Variants in RBM19 observed in about 807,000 individuals in gnomAD.
RBM19 encodes probable RNA-binding protein 19.
A neutral mutation model predicts 116.8 loss-of-function variants in RBM19; 94 were observed. The observed-to-expected ratio is 0.80, with a 90% CI of 0.68 to 0.95. The LOEUF is 0.95. Ranked by LOEUF, RBM19 falls within the 40% of genes least tolerant of loss-of-function variation. The pLI is 0.00. For synonymous variants in RBM19, 475 were observed against 494.1 expected (o/e 0.96, Z 0.51); for missense variants, 1,161 against 1,220.7 (o/e 0.95, Z 0.73).
rs572204261 is a variant in RBM19 at position 113,864,165 on chromosome 12, G to A, written c.2559-5269C>T. On this transcript the variant is annotated intron_variant, in intron 21 of 23. Coordinates refer to ENST00000261741, the MANE Select transcript of RBM19 (RefSeq NM_016196.4). ...AGGCTTAGCTAGGCTCAAAGTAGGC[G>A]GTGTGCCCCACAGGTCTATGCTTTG... Among the ~76,000 whole-genome samples, 6 of 152,246 alleles carry A rather than the reference G, an allele frequency of 3.9e-5. No homozygotes were observed. The South Asian group carries it at 6.2e-4, about 16-fold the overall frequency.
chr12:113,888,578 G>T (rs1479551685), intron 21 of RBM19, among the ~76,000 whole-genome samples: 1 of 152,132 alleles, frequency 6.6e-6, no homozygotes, highest in African/African-American at 2.4e-5. Context: ...ATTCTTAAGA[G>T]AAACATGTGA....
At chr12:113,865,834 A>C (rs973606614) in intron 21 of RBM19, among the ~76,000 whole-genome samples, 4 of 152,022 alleles carry the variant, frequency 2.6e-5, no homozygotes, top group Non-Finnish European at 5.9e-5. Context: ...CAAGAAAAAA[A>C]AAAAGGGGGC....
At chr12:113,888,002 G>A (rs1880665251) in intron 21 of RBM19, among the ~76,000 whole-genome samples, 1 of 152,164 alleles carries the variant, frequency 6.6e-6, no homozygotes, top group Non-Finnish European at 1.5e-5. Context: ...GATTACAGGT[G>A]TGAGCCACTG....
Position 113,828,036 on chromosome 12 carries a change from G to A in RBM19, c.2786-4715C>T, listed in dbSNP as rs568416249. Among the ~76,000 whole-genome samples the A allele has an allele frequency of 6.6e-5, 10 of 150,438 alleles. No individual in the cohort carries two copies. In the South Asian group the frequency reaches 8.5e-4, roughly 13 times the overall value. On this transcript the variant is annotated intron_variant, in intron 23 of 23. Coordinates refer to ENST00000261741, the MANE Select transcript of RBM19 (RefSeq NM_016196.4). ...TGATGGAATCTGTTACTGAGAGCAC[G>A]AGGGTGGGCTGCTCCCCTCCTCTAT...
At chr12:113,962,193 C>T in intron 2 of RBM19, 39 bp downstream of exon 2, 2 of 1,605,832 alleles carry the variant, frequency 1.2e-6, no homozygotes, top group Non-Finnish European at 1.7e-6. Flanking sequence ...CAACGTCACA[C>T]TTGACAGGAA....
rs180867504 is a variant in RBM19, at chr12:113,923,232, G to T, written c.2305+1465C>A. On this transcript the variant is annotated intron_variant, in intron 18 of 23. Coordinates refer to ENST00000261741, the MANE Select transcript of RBM19 (RefSeq NM_016196.4). Reference sequence around the variant, plus strand: ...TTTTAAAAAAAGTGTGGGTGGATTTGAACATGGGATGGGCATATAGAAGGA... The same window carrying T: ...TTTTAAAAAAAGTGTGGGTGGATTTTAACATGGGATGGGCATATAGAAGGA... 5.6e-4 allele frequency among the ~76,000 whole-genome samples: 86 copies of T among 152,294 alleles called. 3 individuals are homozygous for T. In the East Asian group the frequency reaches 9.5e-3, roughly 17 times the overall value.
At chr12:113,918,323 A>T (rs1384322379) in intron 20 of RBM19, 69 bp downstream of exon 20, 1 of 1,496,894 alleles carries the variant, frequency 6.7e-7, no homozygotes, top group Non-Finnish European at 9.3e-7. Flanking sequence ...GACAGCCTCC[A>T]GGGTGGCCGG....
intron 22 of RBM19, among the ~76,000 whole-genome samples, chr12:113,854,116 C>T (rs1877689568): frequency 6.6e-6 from 1 of 151,994 alleles, no homozygotes; most frequent in African/African-American, 2.4e-5. Flanking sequence ...CTGCCAAGTG[C>T]CACTATAAGA....
intron 16 of RBM19, among the ~76,000 whole-genome samples, chr12:113,932,090 T>G (rs1050582164): frequency 5.9e-5 from 9 of 152,160 alleles, no homozygotes; most frequent in Admixed American, 5.9e-4. Flanking sequence ...GCCCTTATTG[T>G]GATCGAGAAG....
chr12:113,928,160 A>G (rs1425218163), intron 16 of RBM19, among the ~76,000 whole-genome samples: 2 of 152,068 alleles, frequency 1.3e-5, no homozygotes, highest in Non-Finnish European at 2.9e-5. Flanking sequence ...AATGTGGTGA[A>G]ACCTTGTCTC....
chr12:113,819,472 C>T (rs536007943), downstream of RBM19, among the ~76,000 whole-genome samples: 1 of 152,316 alleles, frequency 6.6e-6, no homozygotes, highest in East Asian at 1.9e-4. Context: ...TTTCCTGCCC[C>T]CTGCAGCAGT....
At chr12:113,841,774 G>A (rs1184157654) in intron 23 of RBM19, among the ~76,000 whole-genome samples, 1 of 152,184 alleles carries the variant, frequency 6.6e-6, no homozygotes, top group Non-Finnish European at 1.5e-5. Flanking sequence ...GTTGGGGCCA[G>A]TGGGTGGGGT....
chr12:113,910,673 GT>G (rs1359933721), intron 21 of RBM19, among the ~76,000 whole-genome samples: 2 of 152,228 alleles, frequency 1.3e-5, no homozygotes, highest in South Asian at 2.1e-4. Flanking sequence ...TTTAACAACA[GT>G]CTTACCATGT....
intron 19 of RBM19, among the ~76,000 whole-genome samples, chr12:113,919,531 A>G (rs1157027233): frequency 6.6e-6 from 1 of 152,218 alleles, no homozygotes; most frequent in Admixed American, 6.5e-5. Flanking sequence ...AGATCGCGCC[A>G]CTGCACTCCA....
downstream of RBM19, among the ~76,000 whole-genome samples, chr12:113,818,565 C>T (rs1280513502): frequency 6.6e-6 from 1 of 152,194 alleles, no homozygotes; most frequent in African/African-American, 2.4e-5. Context: ...GTTATGTTCA[C>T]AATAATGATG....
At chr12:113,857,640 A>C (rs1328632649) in intron 22 of RBM19, among the ~76,000 whole-genome samples, 1 of 152,252 alleles carries the variant, frequency 6.6e-6, no homozygotes, top group Non-Finnish European at 1.5e-5. Flanking sequence ...ATGTCCAGAC[A>C]AATATGGCCA....
intron 21 of RBM19, 42 bp downstream of exon 21, chr12:113,914,927 C>A: frequency 6.5e-7 from 1 of 1,547,322 alleles, no homozygotes; most frequent in South Asian, 1.1e-5. Context: ...GCAGGCTCCC[C>A]GCCCACACGC....
At chr12:113,958,244 G>A (rs1023375541) in intron 5 of RBM19, among the ~76,000 whole-genome samples, 194 bp from the exon 6 acceptor site, 1 of 152,138 alleles carries the variant, frequency 6.6e-6, no homozygotes, top group Non-Finnish European at 1.5e-5. Context: ...CTGCAGCTTT[G>A]ATATTCTCTG....
At chr12:113,959,150 C>T (rs556175960) in intron 5 of RBM19, 62 bp downstream of exon 5, 39 of 1,545,664 alleles carry the variant, frequency 2.5e-5, no homozygotes, top group Middle Eastern at 2.4e-4. Context: ...CCCCCAGTGC[C>T]GGTTAGCCCA....
Sources: allele counts gnomAD v4.1 joint callset (sites outside exome capture counted in the v4.1 genomes callset), GRCh38; gene constraint gnomAD v4.1.1; transcripts MANE v1.5; gene names NCBI Gene and HGNC (gene_info 2026-07-23, HGNC 2026-07-21).